MKLN1: variants seen among roughly 807,000 people sequenced by gnomAD.
MKLN1 encodes muskelin 1.
In MKLN1, 18 loss-of-function variants were observed where a neutral mutation model predicts 99.0. That is an observed-to-expected ratio of 0.18 (90% confidence interval 0.13 to 0.27). The LOEUF is 0.27. Among genes scored for constraint, MKLN1 ranks in the 10% least tolerant of loss-of-function variants. The pLI, the probability that MKLN1 is intolerant of heterozygous loss-of-function variation, is 1.00. For synonymous variants in MKLN1, 288 were observed against 293.2 expected (o/e 0.98, Z 0.18); for missense variants, 621 against 875.9 (o/e 0.71, Z 3.67).
At chr7:131,392,879 A>G (rs1794243093) in intron 4 of MKLN1, among the ~76,000 whole-genome samples, 2 of 151,618 alleles carry the variant, frequency 1.3e-5, no homozygotes. Context: ...TGCTGGGATT[A>G]CAGGCGTGAG....
At chr7:131,477,383 C>CAAA (rs5887507) in intron 16 of MKLN1, among the ~76,000 whole-genome samples, 14 of 139,420 alleles carry the variant, frequency 1.0e-4, no homozygotes, top group African/African-American at 2.9e-4. Context: ...TCGTCTCTAC[C>CAAA]AAAAAAAAAA....
rs1797568867 is a variant in MKLN1, at chr7:131,496,589, G to A, written c.*8861G>A. The A allele has an allele frequency of 6.6e-6, 1 of 152,054 alleles. No homozygotes were observed. The highest frequency in any genetic ancestry group is 1.5e-5 in the Non-Finnish European group (1 of 68,022). 9.4% of individuals were successfully genotyped at this position (152,054 alleles called of 1,614,324 possible). On this transcript the variant is annotated 3_prime_UTR_variant, in exon 18 of 18. Coordinates refer to ENST00000352689, the MANE Select transcript of MKLN1 (RefSeq NM_013255.5). ...TGTAATGTACATATGGAGAAAGAAT[G>A]TATTTTGTTCATTTTCTTAATAAAA... is the stretch of plus-strand genomic sequence containing the variant.
At chr7:131,139,104 A>G (rs879412404) in intron 1 of MKLN1, among the ~76,000 whole-genome samples, 1 of 152,038 alleles carries the variant, frequency 6.6e-6, no homozygotes, top group Non-Finnish European at 1.5e-5. Context: ...GGGCTTTCCT[A>G]TCTTCTTCCT....
At chr7:131,366,416 G>A (rs886104755) in intron 1 of MKLN1, among the ~76,000 whole-genome samples, 3 of 152,070 alleles carry the variant, frequency 2.0e-5, no homozygotes, top group Admixed American at 1.3e-4. Flanking sequence ...TAAAGTTGGC[G>A]GGGCTTACTG....
intron 7 of MKLN1, among the ~76,000 whole-genome samples, chr7:131,413,031 C>T (rs1794922423): frequency 6.6e-6 from 1 of 152,148 alleles, no homozygotes; most frequent in Non-Finnish European, 1.5e-5. Context: ...ATGGATTCAA[C>T]ATATAAAATA....
chr7:131,113,451 T>G lies in MKLN1; in HGVS notation c.-419+3244T>G, dbSNP rs368007600. On this transcript the variant is annotated intron_variant, in intron 1 of 7. Coordinates refer to the MKLN1 transcript ENST00000416992. ...GTTGAGTATGTTATCCTAAAAAGTT[T>G]GAACTTATTCTAAGGCCAGTGGAGA... 2.6e-5 allele frequency among the ~76,000 whole-genome samples: 4 copies of G among 152,258 alleles called. No homozygotes were observed. The East Asian group carries it at 5.8e-4, about 22-fold the overall frequency.
In MKLN1 at chr7:131,188,641, C is replaced by T. The variant is rs1165475933; in HGVS notation, c.-296-14216C>T. On this transcript the variant is annotated intron_variant, in intron 2 of 7. Transcript: ENST00000416992. ...TTCAATTACATTCTAGTGGCCAAAG[C>T]CAGCCAAAAGGCAGGCCCAGACTCA... 2.6e-5 allele frequency among the ~76,000 whole-genome samples: 4 copies of T among 152,188 alleles called. No homozygotes were observed. The East Asian group carries it at 7.7e-4, about 29-fold the overall frequency.
intron 3 of MKLN1, among the ~76,000 whole-genome samples, chr7:131,234,723 C>T (rs1486405296): frequency 6.6e-6 from 1 of 152,200 alleles, no homozygotes; most frequent in Non-Finnish European, 1.5e-5. Flanking sequence ...TTTAGCATCA[C>T]TTTCCCTGGA....
chr7:131,468,289 T>G lies in MKLN1; in HGVS notation c.1928+1874T>G, dbSNP rs911835960. Among the ~76,000 whole-genome samples, 8 of 152,312 alleles carry G rather than the reference T, an allele frequency of 5.3e-5. No homozygotes were observed. In the East Asian group the frequency reaches 1.5e-3, roughly 29 times the overall value. On this transcript the variant is annotated intron_variant, in intron 15 of 17. Coordinates refer to ENST00000352689, the MANE Select transcript of MKLN1 (RefSeq NM_013255.5). ...TTTTAGACCTTTTTCTCTACCAAGC[T>G]GTTAGATAAATTCAAGAATTTGAGG...
chr7:131,442,763 A>T (rs894814504), intron 10 of MKLN1, among the ~76,000 whole-genome samples: 1 of 152,184 alleles, frequency 6.6e-6, no homozygotes, highest in Non-Finnish European at 1.5e-5. Context: ...ACAGAATTTG[A>T]TTCTTATTGT....
intron 1 of MKLN1, among the ~76,000 whole-genome samples, chr7:131,361,413 G>T (rs1281577020): frequency 6.6e-6 from 1 of 150,890 alleles, no homozygotes; most frequent in Non-Finnish European, 1.5e-5. Flanking sequence ...CATCTATCTT[G>T]CATGTTGTCT....
At chr7:131,480,068 T>A (rs1389123571) in intron 17 of MKLN1, among the ~76,000 whole-genome samples, 1 of 149,616 alleles carries the variant, frequency 6.7e-6, no homozygotes, top group Non-Finnish European at 1.5e-5. Context: ...AAGTGGGTGG[T>A]CTCTAGAACC....
intron 10 of MKLN1, among the ~76,000 whole-genome samples, chr7:131,438,220 T>C (rs1277412450): frequency 6.6e-6 from 1 of 152,110 alleles, no homozygotes; most frequent in Non-Finnish European, 1.5e-5. Context: ...ACATAGACTG[T>C]TGATTTATAG....
At position 131,147,309 on chromosome 7, in the gene MKLN1, C is replaced by T. The variant is rs535791835; in HGVS notation, c.-297+4368C>T. 7.2e-5 allele frequency among the ~76,000 whole-genome samples: 11 copies of T among 151,772 alleles called. No individual in the cohort carries two copies. The South Asian group carries it at 1.9e-3, about 26-fold the overall frequency. ...CTGACCTCAGGTGATCCACCCGCCT[C>T]GACCTCCCAAAGGGCTGGGATTATA... On this transcript the variant is annotated intron_variant, in intron 2 of 7. Coordinates refer to the MKLN1 transcript ENST00000416992.
chr7:131,281,032 A>G (rs1798042625), intron 3 of MKLN1, among the ~76,000 whole-genome samples: 1 of 152,166 alleles, frequency 6.6e-6, no homozygotes, highest in Non-Finnish European at 1.5e-5. Context: ...CTTGAAGAAC[A>G]AAAGATTTTA....
intron 1 of MKLN1, among the ~76,000 whole-genome samples, chr7:131,352,888 A>G (rs779789663): frequency 1.3e-5 from 2 of 152,146 alleles, no homozygotes; most frequent in Non-Finnish European, 2.9e-5. Flanking sequence ...TAAACTATGC[A>G]GCTTCCACCT....
At chr7:131,223,870 G>T (rs1032942731) in intron 3 of MKLN1, among the ~76,000 whole-genome samples, 1 of 151,970 alleles carries the variant, frequency 6.6e-6, no homozygotes, top group Non-Finnish European at 1.5e-5. Context: ...GGGTTCAAGC[G>T]ATTCTCCTGA....
At chr7:131,408,665 T>C (rs1414709363) in intron 6 of MKLN1, among the ~76,000 whole-genome samples, 1 of 152,152 alleles carries the variant, frequency 6.6e-6, no homozygotes, top group African/African-American at 2.4e-5. Flanking sequence ...ATTTCTGTGT[T>C]GCCCAGACTG....
chr7:131,465,553 T>TG (rs1356064961), intron 14 of MKLN1, among the ~76,000 whole-genome samples: 2 of 152,238 alleles, frequency 1.3e-5, no homozygotes, highest in African/African-American at 2.4e-5. Flanking sequence ...ATTTTTTTTT[T>TG]TTTGAGACGG....
Sources: gnomAD v4.1 joint callset for allele counts (sites outside exome capture counted in the v4.1 genomes callset) on GRCh38, gnomAD v4.1.1 for gene constraint, MANE v1.5 for transcripts, NCBI Gene and HGNC (gene_info 2026-07-23, HGNC 2026-07-21) for gene names.